Variants in POMGNT1 observed in about 807,000 individuals in gnomAD.
The protein encoded by POMGNT1 is protein O-linked mannose N-acetylglucosaminyltransferase 1 (beta 1,2-), also known as protein O-linked-mannose beta-1,2-N-acetylglucosaminyltransferase 1.
Under a neutral mutation model 95.6 loss-of-function variants are expected in POMGNT1, and 67 were observed. That is an observed-to-expected ratio of 0.70 (90% CI 0.58 to 0.86). The LOEUF is 0.86. Ranked by LOEUF, POMGNT1 falls within the 40% of genes least tolerant of loss-of-function variation. The pLI is 0.00. For missense variants in POMGNT1, 719 were observed against 855.2 expected, an observed-to-expected ratio of 0.84 and a Z score of 1.99; for synonymous variants, 298 against 317.9, an observed-to-expected ratio of 0.94 and a Z score of 0.66.
chr1:46,204,008 T>C (rs141404712), intron 1 of POMGNT1, among the ~76,000 whole-genome samples: 61 of 152,230 alleles, frequency 4.0e-4, no homozygotes, highest in Non-Finnish European at 7.4e-4. Flanking sequence ...ACCGGTTTTT[T>C]CTCCTTCTGC....
intron 18 of POMGNT1, 97 bp from the exon 19 acceptor site, chr1:46,190,614 C>A: frequency 6.5e-7 from 1 of 1,532,848 alleles, no homozygotes. Flanking sequence ...GAATCTGTAG[C>A]CGCAGGGCTG....
chr1:46,193,124 G>A (rs1164355273), intron 13 of POMGNT1, 50 bp downstream of exon 13: 3 of 1,612,468 alleles, frequency 1.9e-6, no homozygotes, highest in Admixed American at 3.3e-5. Flanking sequence ...CAGACCTTAT[G>A]CCCATGTTTC....
chr1:46,203,034 T>A (rs1421749464), upstream of POMGNT1, among the ~76,000 whole-genome samples: 1 of 151,636 alleles, frequency 6.6e-6, no homozygotes, highest in Non-Finnish European at 1.5e-5. Context: ...TGCAGCTCTC[T>A]GTTACCGCTG....
chr1:46,215,156 G>A (rs1476474156), intron 1 of POMGNT1, among the ~76,000 whole-genome samples: 5 of 150,874 alleles, frequency 3.3e-5, no homozygotes, highest in Non-Finnish European at 5.9e-5. Context: ...AACCCGGGAG[G>A]TGGAGCTTGC....
intron 1 of POMGNT1, among the ~76,000 whole-genome samples, chr1:46,204,755 A>G (rs1433953784): frequency 5.3e-5 from 8 of 152,176 alleles, no homozygotes; most frequent in African/African-American, 2.4e-5. Context: ...CTCCAGAGCA[A>G]GGCTGTGACT....
At position 46,194,551 on chromosome 1, in the gene POMGNT1, A is replaced by C. The variant is rs1658064113; in HGVS notation, c.751+2T>G. The C allele has an allele frequency of 1.2e-6, 2 of 1,613,492 alleles. No homozygotes were observed. Among genetic ancestry groups the C allele is most frequent in the African/African-American group, 1.3e-5 (1 of 74,694 alleles). ...GCCCCATCCATGCTCCACTAACTCC[A>C]CCTTCTGCTGAGCTCAATGGCACAT... On this transcript the variant is annotated splice_donor_variant, in intron 8 of 21. Transcript: ENST00000371984. LOFTEE classifies it high-confidence loss of function.
intron 2 of POMGNT1, chr1:46,197,499 TA>T (rs763170831): frequency 6.7e-7 from 1 of 1,492,404 alleles, no homozygotes; most frequent in Non-Finnish European, 8.9e-7. Context: ...GTCAGAAGCT[TA>T]GAAGTTGTAC....
chr1:46,190,641 C>G (rs1408531385), intron 18 of POMGNT1, 79 bp downstream of exon 18: 2 of 1,540,554 alleles, frequency 1.3e-6, no homozygotes, highest in East Asian at 2.2e-5. Context: ...ACACACAGGC[C>G]CAGCATTGGA....
Position 46,193,929 on chromosome 1 carries a change from T to G in POMGNT1, c.880-4A>C, listed in dbSNP as rs1553163534. On this transcript the variant is annotated splice_polypyrimidine_tract_variant and splice_region_variant and intron_variant, in intron 9 of 21. Coordinates refer to ENST00000371984, the MANE Select transcript of POMGNT1 (RefSeq NM_017739.4). ...TGAGGACCTTGTTGTCTGGGAGCTG[T>G]GGGAGAAATAGCGTTTAGCTCTTGC... 1.9e-6 allele frequency: 3 copies of G among 1,613,984 alleles called. No individual in the cohort carries two copies. Among genetic ancestry groups the G allele is most frequent in the Non-Finnish European group, 2.5e-6 (3 of 1,179,990 alleles).
chr1:46,206,906 A>C (rs931253770), intron 1 of POMGNT1, among the ~76,000 whole-genome samples: 1 of 152,164 alleles, frequency 6.6e-6, no homozygotes, highest in African/African-American at 2.4e-5. Context: ...GAACATTTCT[A>C]GTACAGGATG....
At chr1:46,210,764 C>A (rs1401427519) in intron 1 of POMGNT1, among the ~76,000 whole-genome samples, 2 of 152,002 alleles carry the variant, frequency 1.3e-5, no homozygotes, top group Non-Finnish European at 1.5e-5. Flanking sequence ...CTCTCTGAAT[C>A]CTGTTGTGGG....
chr1:46,195,351 C>T (rs1658148778), intron 6 of POMGNT1: 7 of 376,418 alleles, frequency 1.9e-5, no homozygotes, highest in South Asian at 1.6e-4. Flanking sequence ...GAATGCTCTT[C>T]CTCCAGATAC....
At chr1:46,215,800 G>C (rs1488614984) in intron 1 of POMGNT1, among the ~76,000 whole-genome samples, 1 of 152,114 alleles carries the variant, frequency 6.6e-6, no homozygotes, top group African/African-American at 2.4e-5. Flanking sequence ...AGGAGGCTGA[G>C]GCAGGAGGGT....
chr1:46,193,254 G>T (rs1465813544), intron 12 of POMGNT1, 39 bp from the exon 13 acceptor site: 1 of 1,613,966 alleles, frequency 6.2e-7, no homozygotes, highest in Admixed American at 1.7e-5. Flanking sequence ...GAGCTTTAGG[G>T]TAGAAGGCAG....
At chr1:46,218,219 T>C (rs1287172590) in intron 1 of POMGNT1, among the ~76,000 whole-genome samples, 1 of 152,150 alleles carries the variant, frequency 6.6e-6, no homozygotes, top group Non-Finnish European at 1.5e-5. Context: ...AGGTGAGACC[T>C]TGTCTGTACA....
rs10493123 is a variant in POMGNT1, at chr1:46,190,800, G to A, written c.1540-16C>T. The A allele has an allele frequency of 4.1e-3, 6,505 of 1,603,762 alleles. 176 individuals are homozygous for A. In the African/African-American group the frequency reaches 0.064, roughly 16 times the overall value. The stretch of plus-strand genomic sequence containing the variant: ...AGTAGGCCTCCTGGAGTGGGTATGA[G>A]AGTGAAAATCAGCACCTCACATTGT... On this transcript the variant is annotated splice_polypyrimidine_tract_variant and intron_variant, in intron 17 of 21. Transcript: ENST00000371984.
upstream of POMGNT1, chr1:46,198,534 GGCGGCGGTGGCGGCA>G: frequency 6.9e-6 from 1 of 145,474 alleles, no homozygotes; most frequent in Admixed American, 7.2e-5. Context: ...CGGCGGCGGC[GGCGGCGGTGGCGGCA>G]GCGGCGTCGG....
chr1:46,201,794 C>A (rs77969475), upstream of POMGNT1, among the ~76,000 whole-genome samples: 1,084 of 151,194 alleles, frequency 7.2e-3, 15 homozygotes, highest in South Asian at 0.016. Flanking sequence ...ACCCATATAT[C>A]CATATTTATC....
chr1:46,194,494 A>G, intron 8 of POMGNT1, 59 bp downstream of exon 8: 3 of 1,614,138 alleles, frequency 1.9e-6, no homozygotes, highest in Non-Finnish European at 2.5e-6. Flanking sequence ...CTCCACAGAG[A>G]GATCTAAATG....
Sources: allele counts gnomAD v4.1 joint callset (sites outside exome capture counted in the v4.1 genomes callset), GRCh38; gene constraint gnomAD v4.1.1; transcripts MANE v1.5; gene names NCBI Gene and HGNC (gene_info 2026-07-23, HGNC 2026-07-21).